Variants in ASIC2 observed in about 807,000 individuals in gnomAD.
ASIC2 encodes acid-sensing ion channel 2.
ASIC2 carries 25 observed loss-of-function variants against 57.3 expected under a neutral mutation model. The ratio of observed to expected loss-of-function variants is 0.44; its 90% CI spans 0.32 to 0.61. The LOEUF is 0.61. Among genes scored for constraint, ASIC2 ranks in the 20% least tolerant of loss-of-function variants. The pLI is 0.06. For missense variants in ASIC2, 641 were observed against 738.1 expected (o/e 0.87, Z 1.52); for synonymous variants, 319 against 307.5 (o/e 1.04, Z -0.39).
chr17:33,569,892 A>G (rs749704850), intron 1 of ASIC2, among the ~76,000 whole-genome samples: 17 of 152,112 alleles, frequency 1.1e-4, no homozygotes, highest in Admixed American at 2.6e-4. Flanking sequence ...CAATTAGCCT[A>G]TATTTCCTGA....
chr17:33,219,436 A>G (rs148362691), intron 1 of ASIC2, among the ~76,000 whole-genome samples: 9 of 152,330 alleles, frequency 5.9e-5, no homozygotes, highest in African/African-American at 2.2e-4. Flanking sequence ...CTTGGTAGAC[A>G]ACAGGTCCAC....
intron 2 of ASIC2, among the ~76,000 whole-genome samples, chr17:33,106,775 C>T (rs932319556): frequency 1.3e-5 from 2 of 152,058 alleles, no homozygotes; most frequent in South Asian, 2.1e-4. Flanking sequence ...CTAAACAGGA[C>T]GTCTGTGAGA....
chr17:34,147,373 A>G (rs1912447776), intron 1 of ASIC2, among the ~76,000 whole-genome samples: 1 of 152,220 alleles, frequency 6.6e-6, no homozygotes, highest in African/African-American at 2.4e-5. Context: ...ATAAATTTCA[A>G]TGGCTACTGA....
chr17:33,644,008 A>G (rs1906666123), intron 1 of ASIC2, among the ~76,000 whole-genome samples: 1 of 152,320 alleles, frequency 6.6e-6, no homozygotes, highest in South Asian at 2.1e-4. Context: ...CCATCACAAC[A>G]AACACTCCTA....
intron 1 of ASIC2, among the ~76,000 whole-genome samples, chr17:33,467,149 C>A (rs1245063502): frequency 6.6e-6 from 1 of 152,140 alleles, no homozygotes; most frequent in Non-Finnish European, 1.5e-5. Flanking sequence ...CCATGTTGAC[C>A]AGGCTGGTCT....
chr17:33,770,221 C>T (rs2701496), intron 1 of ASIC2, among the ~76,000 whole-genome samples: 39,660 of 152,106 alleles, frequency 0.26, 6,381 homozygotes, highest in Middle Eastern at 0.39. Flanking sequence ...TTTCTCCACC[C>T]GAATACACTG....
At chr17:33,655,975 T>G (rs1253570564) in intron 1 of ASIC2, among the ~76,000 whole-genome samples, 2 of 152,128 alleles carry the variant, frequency 1.3e-5, no homozygotes, top group African/African-American at 4.8e-5. Context: ...ATAGTATTAT[T>G]ATATATGTTT....
chr17:33,815,895 T>A (rs1912565139), intron 1 of ASIC2, among the ~76,000 whole-genome samples: 1 of 152,136 alleles, frequency 6.6e-6, no homozygotes, highest in African/African-American at 2.4e-5. Flanking sequence ...AGGAAGTGTA[T>A]TGGGTACTTA....
chr17:33,966,882 C>T (rs990348160), intron 1 of ASIC2, among the ~76,000 whole-genome samples: 2 of 152,190 alleles, frequency 1.3e-5, no homozygotes, highest in African/African-American at 2.4e-5. Flanking sequence ...GTACATCAGT[C>T]GTTTCCATAC....
chr17:33,772,039 C>T lies in ASIC2; in HGVS notation c.555+383939G>A, dbSNP rs148620233. Among the ~76,000 whole-genome samples the T allele has an allele frequency of 1.7e-3, 256 of 152,310 alleles. No homozygotes were observed. The Middle Eastern group carries it at 0.017, about 10-fold the overall frequency. ...GGTTTTCTCCTGTCTTCCTGCCTAT[C>T]AGTCCCATTTTCCCCTGAGGCCAAC... is the stretch of plus-strand genomic sequence containing the variant. On this transcript the variant is annotated intron_variant, in intron 1 of 9. Transcript: ENST00000359872.
At chr17:33,238,635 A>G (rs910968154) in intron 1 of ASIC2, among the ~76,000 whole-genome samples, 2 of 151,518 alleles carry the variant, frequency 1.3e-5, no homozygotes, top group Non-Finnish European at 2.9e-5. Context: ...CACCGGGCCC[A>G]CTCCTGCCTC....
intron 5 of ASIC2, among the ~76,000 whole-genome samples, chr17:33,025,008 A>G (rs2091852986): frequency 6.6e-6 from 1 of 151,764 alleles, no homozygotes; most frequent in Admixed American, 6.6e-5. Flanking sequence ...TCCTCTAGCC[A>G]CCTCAGTGTT....
intron 1 of ASIC2, among the ~76,000 whole-genome samples, chr17:33,412,616 G>T (rs1910702746): frequency 1.3e-5 from 2 of 152,164 alleles, no homozygotes; most frequent in Admixed American, 1.3e-4. Context: ...GTCATGATGA[G>T]GCAAATGTTC....
intron 3 of ASIC2, among the ~76,000 whole-genome samples, chr17:33,032,178 T>G (rs994206851): frequency 2.6e-5 from 4 of 152,184 alleles, no homozygotes; most frequent in Non-Finnish European, 4.4e-5. Flanking sequence ...CGATTTCTAG[T>G]TCTCCTTTTG....
chr17:33,278,630 G>A (rs953533833), intron 1 of ASIC2, among the ~76,000 whole-genome samples: 1 of 152,178 alleles, frequency 6.6e-6, no homozygotes, highest in Non-Finnish European at 1.5e-5. Context: ...CTGGATGAGA[G>A]CTCTGTGAGG....
intron 1 of ASIC2, among the ~76,000 whole-genome samples, chr17:33,739,822 AAGAAAGAAAAAGAAAG>A (rs1374297324): frequency 1.3e-5 from 2 of 151,754 alleles, no homozygotes. Flanking sequence ...GAGAGAAAGA[AAGAAAGAAAAAGAAAG>A]AGAAAGAAAA....
chr17:33,819,377 C>A (rs927869658), intron 1 of ASIC2, among the ~76,000 whole-genome samples: 3 of 151,926 alleles, frequency 2.0e-5, no homozygotes, highest in Non-Finnish European at 4.4e-5. Context: ...TGTACAGATA[C>A]TTGGTGCAGC....
chr17:33,147,138 G>T (rs1213349153), intron 1 of ASIC2, among the ~76,000 whole-genome samples: 1 of 152,186 alleles, frequency 6.6e-6, no homozygotes, highest in Non-Finnish European at 1.5e-5. Context: ...CAAGAATAGG[G>T]TAGATGGCAG....
intron 1 of ASIC2, chr17:33,792,810 G>A (rs1911811355): frequency 6.6e-6 from 1 of 152,140 alleles, no homozygotes; most frequent in Non-Finnish European, 1.5e-5. Flanking sequence ...CTTAAAATAT[G>A]GTGCAGAGAA....
Sources: allele counts gnomAD v4.1 joint callset (sites outside exome capture counted in the v4.1 genomes callset), GRCh38; gene constraint gnomAD v4.1.1; transcripts MANE v1.5; gene names NCBI Gene and HGNC (gene_info 2026-07-23, HGNC 2026-07-21).